Variants in MYBPC1 observed in about 807,000 individuals in gnomAD.
The protein encoded by MYBPC1 is myosin-binding protein C, slow-type.
In MYBPC1, 52 loss-of-function variants were observed where a neutral mutation model predicts 147.1. The observed-to-expected ratio is 0.35, with a 90% CI of 0.28 to 0.45. The LOEUF is 0.45. Ranked by LOEUF, MYBPC1 falls within the 20% of genes least tolerant of loss-of-function variation. The pLI is 1.00. For missense variants in MYBPC1, 1,228 were observed against 1,440.3 expected, an observed-to-expected ratio of 0.85 and a Z score of 2.39; for synonymous variants, 477 against 475.9, an observed-to-expected ratio of 1.00 and a Z score of -0.03.
chr12:101,692,692 A>G, the MYBPC1 span, among the ~76,000 whole-genome samples: 1 of 152,214 alleles, frequency 6.6e-6, no homozygotes, highest in South Asian at 2.1e-4. Context: ...AACATTGTAT[A>G]TATCAATCAC....
intron 10 of MYBPC1, among the ~76,000 whole-genome samples, chr12:101,638,974 A>G (rs560106002): frequency 2.1e-5 from 3 of 140,642 alleles, no homozygotes; most frequent in African/African-American, 7.6e-5. Context: ...GTAATGACAT[A>G]TGGTTACCAT....
chr12:101,684,732 A>C (rs190799413), intron 31 of MYBPC1, among the ~76,000 whole-genome samples: 2,472 of 152,332 alleles, frequency 0.016, 33 homozygotes, highest in Non-Finnish European at 0.021. Context: ...AGGAATGGAC[A>C]TGTACATAAG....
At chr12:101,660,334 A>T (rs907833658) in intron 19 of MYBPC1, 1 of 175,876 alleles carries the variant, frequency 5.7e-6, no homozygotes, top group Non-Finnish European at 1.2e-5. Flanking sequence ...GTGACTCGCC[A>T]TTTTTGACTT....
In MYBPC1 at chr12:101,594,976, A is replaced by C; in HGVS notation, c.-95A>C. 3 of 1,221,588 alleles carry C rather than the reference A, an allele frequency of 2.5e-6. No homozygotes were observed. The highest frequency in any genetic ancestry group is 3.6e-6 in the Non-Finnish European group (3 of 834,182). 75.7% of individuals were successfully genotyped at this position (1,221,588 alleles called of 1,614,324 possible). A position where few individuals can be genotyped will look rare whatever the true frequency, so the allele number is the denominator to read the frequency against. On this transcript the variant is annotated 5_prime_UTR_variant, in exon 1 of 32. Transcript: ENST00000361466. ...GGGTTTCTCCCCAACTGCTTGTCACACCGACCTGCACCATCTCTCGCCTGC... is the reference window on the plus strand; with the variant it reads ...GGGTTTCTCCCCAACTGCTTGTCACCCCGACCTGCACCATCTCTCGCCTGC...
At chr12:101,655,275 A>G (rs1337251056) in intron 18 of MYBPC1, among the ~76,000 whole-genome samples, 1 of 152,172 alleles carries the variant, frequency 6.6e-6, no homozygotes, top group Non-Finnish European at 1.5e-5. Flanking sequence ...AAAAAAGTGA[A>G]CTGAAATGGA....
chr12:101,684,517 C>G, intron 31 of MYBPC1, 93 bp downstream of exon 31: 3 of 968,444 alleles, frequency 3.1e-6, no homozygotes, highest in Non-Finnish European at 4.8e-6. Context: ...ATTACATAAT[C>G]CAATGAAAAT....
At chr12:101,674,668 G>A (rs1899484249) in intron 25 of MYBPC1, among the ~76,000 whole-genome samples, 1 of 151,900 alleles carries the variant, frequency 6.6e-6, no homozygotes, top group Non-Finnish European at 1.5e-5. Flanking sequence ...TTTGAGACAA[G>A]CCTGGACAAT....
chr12:101,610,713 C>A (rs954934586), intron 1 of MYBPC1, among the ~76,000 whole-genome samples: 1 of 152,114 alleles, frequency 6.6e-6, no homozygotes, highest in African/African-American at 2.4e-5. Flanking sequence ...ATAGGGAGGG[C>A]AACATCCATA....
intron 18 of MYBPC1, among the ~76,000 whole-genome samples, chr12:101,656,338 T>G (rs186812758): frequency 5.9e-5 from 9 of 152,238 alleles, no homozygotes; most frequent in African/African-American, 2.2e-4. Flanking sequence ...TGACAGATAT[T>G]GATCGAGCTA....
intron 22 of MYBPC1, chr12:101,666,898 C>A (rs7136919): frequency 7.7e-6 from 3 of 391,916 alleles, no homozygotes; most frequent in Non-Finnish European, 9.7e-6. Flanking sequence ...CATACATACA[C>A]ACACACACAC....
At position 101,644,722 on chromosome 12, in the gene MYBPC1, T is replaced by G; in HGVS notation, c.891T>G (p.Phe297Leu). ...YQVDKGGRVR[F>L]VVELADPKLE... Reference sequence around the variant, plus strand: ...TTGACAAAGGAGGCAGAGTGAGGTTTGTTGTGGAGCTGGCAGATCCAAAGT... The same window carrying G: ...TTGACAAAGGAGGCAGAGTGAGGTTGGTTGTGGAGCTGGCAGATCCAAAGT... The change falls in exon 12 of 32, where the codon TTT becomes TTG. Residue 297 changes from phenylalanine (F) to leucine (L), a missense_variant. Phe to Leu is a conservative substitution (Grantham distance 22, BLOSUM62 0). Transcript: ENST00000361466. The G allele has an allele frequency of 1.2e-6, 2 of 1,614,094 alleles. No homozygotes were observed. The highest frequency in any genetic ancestry group is 1.7e-6 in the Non-Finnish European group (2 of 1,179,974).
At chr12:101,648,932 T>C (rs1298928684) in intron 14 of MYBPC1, among the ~76,000 whole-genome samples, 1 of 152,220 alleles carries the variant, frequency 6.6e-6, no homozygotes, top group Non-Finnish European at 1.5e-5. Flanking sequence ...ATAGTTATCT[T>C]TAAAATGCAT....
At chr12:101,644,342 G>A (rs372316849) in intron 11 of MYBPC1, among the ~76,000 whole-genome samples, 5 of 152,082 alleles carry the variant, frequency 3.3e-5, no homozygotes, top group African/African-American at 4.8e-5. Flanking sequence ...CAGCCCCAGC[G>A]TGTTTTTAAA....
At chr12:101,631,855 C>A in intron 7 of MYBPC1, 136 bp downstream of exon 7, 1 of 1,403,654 alleles carries the variant, frequency 7.1e-7, no homozygotes, top group Non-Finnish European at 1.0e-6. Flanking sequence ...AGTGTCTACA[C>A]TCTATTGCGA....
At chr12:101,680,589 T>C in intron 29 of MYBPC1, 60 bp downstream of exon 29, 1 of 1,588,272 alleles carries the variant, frequency 6.3e-7, no homozygotes. Context: ...GAATTATTGT[T>C]CTTAATGCTT....
chr12:101,608,586 C>T (rs111975776), intron 1 of MYBPC1, among the ~76,000 whole-genome samples: 34 of 152,306 alleles, frequency 2.2e-4, no homozygotes, highest in Admixed American at 1.9e-3. Context: ...GGGTGCCTCC[C>T]GACCATTGCA....
chr12:101,675,543 G>C, intron 26 of MYBPC1, 112 bp downstream of exon 26: 1 of 1,485,732 alleles, frequency 6.7e-7, no homozygotes, highest in Non-Finnish European at 9.3e-7. Flanking sequence ...CTATGGAGAA[G>C]TGATGTGGCA....
At chr12:101,632,182 G>T in intron 8 of MYBPC1, 44 bp downstream of exon 8, 1 of 1,293,164 alleles carries the variant, frequency 7.7e-7, no homozygotes, top group Non-Finnish European at 1.1e-6. Context: ...TTTTTAATGG[G>T]GTGTGAGGGG....
At chr12:101,634,052 AC>A (rs2136087496) in intron 8 of MYBPC1, among the ~76,000 whole-genome samples, 1 of 151,716 alleles carries the variant, frequency 6.6e-6, no homozygotes, top group African/African-American at 2.4e-5. Flanking sequence ...GCCCGCCACC[AC>A]GGCCGGCTAA....
Sources: gnomAD v4.1 joint callset for allele counts (sites outside exome capture counted in the v4.1 genomes callset) on GRCh38, gnomAD v4.1.1 for gene constraint, MANE v1.5 for transcripts, NCBI Gene and HGNC (gene_info 2026-07-23, HGNC 2026-07-21) for gene names.